The following RAB1A variants were observed in gnomAD, a reference collection of about 807,000 sequenced individuals.
The protein encoded by RAB1A is ras-related protein Rab-1A.
RAB1A carries 2 observed loss-of-function variants against 26.0 expected under a neutral mutation model. That is an observed-to-expected ratio of 0.08 (90% CI 0.03 to 0.24). The LOEUF is 0.24. Ranked by LOEUF, RAB1A falls within the 10% of genes least tolerant of loss-of-function variation. RAB1A has a pLI of 1.00. For missense variants in RAB1A, 100 were observed against 247.0 expected (o/e 0.40, Z 3.99); for synonymous variants, 84 against 84.9 (o/e 0.99, Z 0.06).
chr2:65,122,705 G>C (rs1333524042), intron 1 of RAB1A, among the ~76,000 whole-genome samples: 1 of 151,902 alleles, frequency 6.6e-6, no homozygotes, highest in Non-Finnish European at 1.5e-5. Context: ...GGCCAGACGT[G>C]GTGGCTCACG....
intron 1 of RAB1A, among the ~76,000 whole-genome samples, chr2:65,118,384 T>C (rs1322933317): frequency 1.3e-5 from 2 of 152,204 alleles, no homozygotes. Context: ...TGTTTTGTAA[T>C]TTAAAATAAA....
chr2:65,092,897 C>T (rs1669204548), intron 3 of RAB1A, among the ~76,000 whole-genome samples: 1 of 152,192 alleles, frequency 6.6e-6, no homozygotes, highest in African/African-American at 2.4e-5. Context: ...TGAATTCTCA[C>T]AAGATCTGAT....
At position 65,088,361 on chromosome 2, in the gene RAB1A, T is replaced by C. The variant is rs1669085527; in HGVS notation, c.*132A>G. 1 of 735,206 alleles carries C rather than the reference T, an allele frequency of 1.4e-6. No homozygotes were observed. The highest frequency in any genetic ancestry group is 2.1e-6 in the Non-Finnish European group (1 of 468,616). The allele number at this position is 735,206 out of a possible 1,614,324, so 45.5% of individuals were successfully genotyped here. A position where few individuals can be genotyped will look rare whatever the true frequency, so the allele number is the denominator to read the frequency against. On this transcript the variant is annotated 3_prime_UTR_variant, in exon 6 of 6. Coordinates refer to ENST00000409784, the MANE Select transcript of RAB1A (RefSeq NM_004161.5). ...AAAAGTCAGTATTGACCATTTACAATCTCTGACCTTTGTGGAGACGGTAAG... is the reference window on the plus strand; with the variant it reads ...AAAAGTCAGTATTGACCATTTACAACCTCTGACCTTTGTGGAGACGGTAAG...
At chr2:65,118,509 GCT>G (rs1669875601) in intron 1 of RAB1A, among the ~76,000 whole-genome samples, 1 of 151,814 alleles carries the variant, frequency 6.6e-6, no homozygotes, top group Non-Finnish European at 1.5e-5. Context: ...ACAGAGTTTT[GCT>G]CTGTCGCGCA....
At chr2:65,115,836 T>C (rs918865687) in intron 1 of RAB1A, among the ~76,000 whole-genome samples, 3 of 152,212 alleles carry the variant, frequency 2.0e-5, no homozygotes, top group African/African-American at 4.8e-5. Flanking sequence ...GGTTCCAATA[T>C]AGTTCTGTTT....
At chr2:65,117,112 CTGA>C (rs1459842488) in intron 1 of RAB1A, among the ~76,000 whole-genome samples, 1 of 150,994 alleles carries the variant, frequency 6.6e-6, no homozygotes, top group Non-Finnish European at 1.5e-5. Flanking sequence ...GTCACCCAGG[CTGA>C]AGTGCAGTGG....
chr2:65,098,142 C>T (rs187704971), intron 2 of RAB1A, 76 bp from the exon 3 acceptor site: 3 of 796,126 alleles, frequency 3.8e-6, no homozygotes, highest in Non-Finnish European at 5.6e-6. Flanking sequence ...AAAAAAAAAA[C>T]TGTTGTTCAA....
chr2:65,107,784 A>T (rs1004559950), intron 1 of RAB1A, among the ~76,000 whole-genome samples: 3 of 152,200 alleles, frequency 2.0e-5, no homozygotes, highest in African/African-American at 7.2e-5. Flanking sequence ...ACTGGGCCTC[A>T]GATGTTGCCT....
chr2:65,088,359 A>G lies in RAB1A; in HGVS notation c.*134T>C. The G allele has an allele frequency of 1.4e-6, 1 of 722,150 alleles. No individual in the cohort carries two copies. The allele number at this position is 722,150 out of a possible 1,614,324, so 44.7% of individuals were successfully genotyped here. ...AAAAAAGTCAGTATTGACCATTTACAATCTCTGACCTTTGTGGAGACGGTA... is the reference window on the plus strand; with the variant it reads ...AAAAAAGTCAGTATTGACCATTTACGATCTCTGACCTTTGTGGAGACGGTA... On this transcript the variant is annotated 3_prime_UTR_variant, in exon 6 of 6. Coordinates refer to ENST00000409784, the MANE Select transcript of RAB1A (RefSeq NM_004161.5).
chr2:65,090,846 T>C (rs192573804), intron 4 of RAB1A, 137 bp downstream of exon 4: 6 of 469,172 alleles, frequency 1.3e-5, no homozygotes, highest in African/African-American at 2.0e-5. Context: ...TTCACATTTA[T>C]ATTTGAGAGT....
At chr2:65,092,218 T>C (rs558198085) in intron 3 of RAB1A, among the ~76,000 whole-genome samples, 1 of 150,932 alleles carries the variant, frequency 6.6e-6, no homozygotes, top group Admixed American at 6.6e-5. Flanking sequence ...TGCAGTGAGC[T>C]GAGATCACAC....
chr2:65,103,235 A>G (rs967300121), intron 2 of RAB1A, among the ~76,000 whole-genome samples: 1 of 141,828 alleles, frequency 7.1e-6, no homozygotes, highest in Non-Finnish European at 1.5e-5. Flanking sequence ...GTGGGAGAAC[A>G]GCTTGAGCCT....
At position 65,088,921 on chromosome 2, in the gene RAB1A, ATTAAACT is replaced by A. The variant is rs753394083; in HGVS notation, c.420+11_420+17del. 7.6e-6 allele frequency: 12 copies of A among 1,586,230 alleles called. No homozygotes were observed. Among genetic ancestry groups the A allele is most frequent in the Middle Eastern group, 2.0e-4 (1 of 5,012 alleles). On this transcript the variant is annotated intron_variant, in intron 5 of 5. Transcript: ENST00000409784. ...CAACACCTTCAAATTCAGTATGAAA[ATTAAACT>A]TTAAACATACCTTCGCTGTTGTGTA...
At chr2:65,101,343 G>T (rs919676237) in intron 2 of RAB1A, among the ~76,000 whole-genome samples, 4 of 152,094 alleles carry the variant, frequency 2.6e-5, no homozygotes. Flanking sequence ...AATACTGAGT[G>T]TCCAAACAAT....
chr2:65,100,477 A>G (rs189371932), intron 2 of RAB1A, among the ~76,000 whole-genome samples: 1 of 148,752 alleles, frequency 6.7e-6, no homozygotes, highest in African/African-American at 2.5e-5. Flanking sequence ...AAGTATATAG[A>G]GGCCAGGCGC....
chr2:65,092,360 C>T (rs1214802542), intron 3 of RAB1A, among the ~76,000 whole-genome samples: 2 of 151,942 alleles, frequency 1.3e-5, no homozygotes, highest in Non-Finnish European at 1.5e-5. Context: ...GACTTCAAAA[C>T]ATCAAATCCA....
chr2:65,095,655 T>C (rs1157867156), intron 3 of RAB1A, among the ~76,000 whole-genome samples: 2 of 148,274 alleles, frequency 1.3e-5, no homozygotes, highest in Non-Finnish European at 3.0e-5. Context: ...TGAGGCAACA[T>C]GCCTAGCTGA....
intron 2 of RAB1A, among the ~76,000 whole-genome samples, chr2:65,100,856 G>C (rs1456536930): frequency 1.3e-5 from 2 of 150,296 alleles, no homozygotes; most frequent in Non-Finnish European, 3.0e-5. Context: ...TAGAAATACT[G>C]AATTCTTGGC....
intron 1 of RAB1A, among the ~76,000 whole-genome samples, chr2:65,121,113 G>A (rs1482152709): frequency 1.3e-5 from 2 of 151,656 alleles, no homozygotes; most frequent in African/African-American, 4.9e-5. Context: ...AGCCAGGCAT[G>A]GTGCCAGTTA....
Sources: allele counts gnomAD v4.1 joint callset (sites outside exome capture counted in the v4.1 genomes callset), GRCh38; gene constraint gnomAD v4.1.1; transcripts MANE v1.5; gene names NCBI Gene and HGNC (gene_info 2026-07-23, HGNC 2026-07-21).